MAP2: variants seen among roughly 807,000 people sequenced by gnomAD.
MAP2 encodes microtubule associated protein 2, also known as microtubule-associated protein 2.
MAP2 carries 14 observed loss-of-function variants against 137.6 expected under a neutral mutation model. The observed-to-expected ratio is 0.10, with a 90% CI of 0.07 to 0.16. MAP2 has a LOEUF of 0.16. Among genes scored for constraint, MAP2 ranks in the 10% least tolerant of loss-of-function variants. The pLI is 1.00. For missense variants in MAP2, 2,088 were observed against 2,191.5 expected, an observed-to-expected ratio of 0.95 and a Z score of 0.94; for synonymous variants, 786 against 782.3, an observed-to-expected ratio of 1.00 and a Z score of -0.08.
intron 3 of MAP2, among the ~76,000 whole-genome samples, chr2:209,609,830 G>A (rs1357693000): frequency 1.3e-5 from 2 of 152,052 alleles, no homozygotes; most frequent in Admixed American, 6.6e-5. Context: ...GTCCCAAAGT[G>A]GTATTCCTAG....
chr2:209,453,375 T>A (rs866684725), intron 1 of MAP2, among the ~76,000 whole-genome samples: 3 of 152,216 alleles, frequency 2.0e-5, no homozygotes, highest in Admixed American at 1.3e-4. Context: ...ATAAGTTGAA[T>A]TTCATGTGTT....
intron 1 of MAP2, among the ~76,000 whole-genome samples, chr2:209,504,872 T>G (rs997525003): frequency 6.6e-6 from 1 of 152,144 alleles, no homozygotes; most frequent in African/African-American, 2.4e-5. Context: ...GTATCCACTC[T>G]GTCTTTCATA....
intron 2 of MAP2, among the ~76,000 whole-genome samples, chr2:209,556,713 G>A (rs902619328): frequency 6.8e-5 from 10 of 146,764 alleles, no homozygotes; most frequent in African/African-American, 2.3e-4. Context: ...AACCAAAATG[G>A]AAGGAAATAT....
At chr2:209,665,137 G>A (rs750261262) in intron 5 of MAP2, among the ~76,000 whole-genome samples, 3 of 152,128 alleles carry the variant, frequency 2.0e-5, no homozygotes, top group Non-Finnish European at 4.4e-5. Context: ...AAAGTATATG[G>A]TGGAAGACTT....
intron 7 of MAP2, among the ~76,000 whole-genome samples, chr2:209,691,139 C>G (rs2058751339): frequency 6.8e-6 from 1 of 147,662 alleles, no homozygotes; most frequent in East Asian, 2.1e-4. Context: ...ATTTTTTTAC[C>G]CGCCCCCCCT....
intron 5 of MAP2, among the ~76,000 whole-genome samples, chr2:209,667,346 C>G (rs1447687893): frequency 6.6e-6 from 1 of 151,712 alleles, no homozygotes; most frequent in East Asian, 1.9e-4. Flanking sequence ...AAAACAAACC[C>G]AAACTACAAA....
chr2:209,605,789 A>G (rs911845262), intron 3 of MAP2, among the ~76,000 whole-genome samples: 1 of 152,186 alleles, frequency 6.6e-6, no homozygotes, highest in Non-Finnish European at 1.5e-5. Flanking sequence ...CGGCCTAACC[A>G]TGCCAGATCT....
chr2:209,696,716 C>T lies in MAP2; in HGVS notation c.4355C>T (p.Thr1452Ile), dbSNP rs968465599. ...ERKVAKKEPSTVSRDEVRRKK... is the reference protein window; with the variant it reads ...ERKVAKKEPSIVSRDEVRRKK... ...AAAGTAGCTAAAAAGGAACCTAGCACAGTCTCCAGAGATGAAGTGAGAAGG... is the reference window on the plus strand; with the variant it reads ...AAAGTAGCTAAAAAGGAACCTAGCATAGTCTCCAGAGATGAAGTGAGAAGG... The change falls in exon 9 of 16, where the codon ACA (threonine) becomes ATA (isoleucine). Residue 1452 changes from threonine to isoleucine, a missense_variant. Around this residue, in one of 6 missense-constraint regions of MAP2, gnomAD observed 591 missense variants for 642.6 expected, o/e 0.92. Transcript: ENST00000682079. The T allele has an allele frequency of 6.2e-7, 1 of 1,613,606 alleles. No individual in the cohort carries two copies. Among genetic ancestry groups the T allele is most frequent in the Non-Finnish European group, 8.5e-7 (1 of 1,179,908 alleles).
At chr2:209,581,242 G>T (rs1415164395) in intron 3 of MAP2, among the ~76,000 whole-genome samples, 1 of 152,124 alleles carries the variant, frequency 6.6e-6, no homozygotes, top group East Asian at 1.9e-4. Flanking sequence ...CCTTGCTGCT[G>T]TGGGTAATTA....
At position 209,444,847 on chromosome 2, in the gene MAP2, T is replaced by A. The variant is rs191281970; in HGVS notation, c.-222+20571T>A. On this transcript the variant is annotated intron_variant, in intron 1 of 15. Transcript: ENST00000682079. ...GCAATTTTTAAAAATAGTATATTTT[T>A]AAAATTTTAAAGTACTTTATAAAAT... 1.7e-3 allele frequency among the ~76,000 whole-genome samples: 263 copies of A among 151,606 alleles called. 2 individuals carry two copies. Among genetic ancestry groups the A allele is most frequent in the African/African-American group, 5.8e-3 (242 of 41,500 alleles).
chr2:209,438,409 G>A (rs1696901968), intron 1 of MAP2, among the ~76,000 whole-genome samples: 1 of 151,572 alleles, frequency 6.6e-6, no homozygotes, highest in Non-Finnish European at 1.5e-5. Context: ...GCAGCCACTG[G>A]AAACTTTGTG....
At chr2:209,690,011 G>C (rs927373177) in intron 7 of MAP2, among the ~76,000 whole-genome samples, 1 of 152,208 alleles carries the variant, frequency 6.6e-6, no homozygotes, top group South Asian at 2.1e-4. Flanking sequence ...AAGTAAATTT[G>C]GTGGACTTTG....
At chr2:209,513,648 A>G (rs759007734) in intron 2 of MAP2, among the ~76,000 whole-genome samples, 11 of 147,132 alleles carry the variant, frequency 7.5e-5, no homozygotes, top group Non-Finnish European at 1.5e-4. Context: ...AAACAAAAAA[A>G]CACCACAGAT....
intron 1 of MAP2, among the ~76,000 whole-genome samples, chr2:209,459,840 C>G (rs189104259): frequency 2.1e-4 from 32 of 152,250 alleles, no homozygotes; most frequent in Non-Finnish European, 3.7e-4. Context: ...GTCTTGGACC[C>G]ATCATGTTTG....
intron 2 of MAP2, among the ~76,000 whole-genome samples, chr2:209,530,573 G>T (rs77854441): frequency 0.016 from 2,409 of 152,272 alleles, 72 homozygotes; most frequent in African/African-American, 0.055. Flanking sequence ...TTTAATTTGA[G>T]ATTTTAAAGT....
At chr2:209,541,773 T>G (rs1446094570) in intron 2 of MAP2, among the ~76,000 whole-genome samples, 1 of 152,248 alleles carries the variant, frequency 6.6e-6, no homozygotes, top group Non-Finnish European at 1.5e-5. Flanking sequence ...CAGTCACATC[T>G]TCAGGCTTCA....
At position 209,696,002 on chromosome 2, in the gene MAP2, A is replaced by G; in HGVS notation, c.3832A>G (p.Lys1278Glu). The G allele has an allele frequency of 6.2e-7, 1 of 1,614,156 alleles. No homozygotes were observed. Among genetic ancestry groups the G allele is most frequent in the Non-Finnish European group, 8.5e-7 (1 of 1,180,022 alleles). The change falls in exon 8 of 16, where the codon AAA becomes GAA. Residue 1278 changes from lysine (K) to glutamate (E), a missense_variant. Lys to Glu is a moderately conservative substitution (Grantham distance 56). Transcript: ENST00000682079. ...EFVETCPSEHKGVIESVVTIE... is the reference protein window; with the variant it reads ...EFVETCPSEHEGVIESVVTIE... The stretch of plus-strand genomic sequence containing the variant: ...TGTGGAGACCTGCCCAAGTGAACAC[A>G]AAGGAGTGATTGAGTCTGTTGTGAC...
chr2:209,700,350 AAG>A lies in MAP2; in HGVS notation c.4584+13_4584+14del. The stretch of plus-strand genomic sequence containing the variant: ...AGGACAAAGTCTCTGTGAGTAAAAT[AAG>A]TTTTTCCTTGTTCTTCATTTGAAGT... On this transcript the variant is annotated intron_variant, in intron 11 of 15. Coordinates refer to ENST00000682079, the MANE Select transcript of MAP2 (RefSeq NM_001375505.1). 6.2e-7 allele frequency: 1 copy of A among 1,605,098 alleles called. No homozygotes were observed. The highest frequency in any genetic ancestry group is 8.5e-7 in the Non-Finnish European group (1 of 1,174,168).
chr2:209,485,721 ACT>A (rs2058296963), intron 1 of MAP2, among the ~76,000 whole-genome samples: 1 of 152,238 alleles, frequency 6.6e-6, no homozygotes, highest in African/African-American at 2.4e-5. Flanking sequence ...TGGCACCAAC[ACT>A]GCTACTATAA....
Sources: allele counts gnomAD v4.1 joint callset (sites outside exome capture counted in the v4.1 genomes callset), GRCh38; gene constraint gnomAD v4.1.1; regional missense constraint gnomAD v4.1.1; transcripts MANE v1.5; gene names NCBI Gene and HGNC (gene_info 2026-07-23, HGNC 2026-07-21).